Variants in GOLGB1 observed in about 807,000 individuals in gnomAD.
GOLGB1 encodes golgin subfamily B member 1.
GOLGB1 carries 174 observed loss-of-function variants against 336.9 expected under a neutral mutation model. That is an observed-to-expected ratio of 0.52 (90% confidence interval 0.46 to 0.59). The LOEUF (loss-of-function observed/expected upper bound fraction) is 0.59, where lower values mean the gene tolerates loss of function less well. Ranked by LOEUF, GOLGB1 falls within the 20% of genes least tolerant of loss-of-function variation. The pLI is 0.00. For synonymous variants in GOLGB1, 1,208 were observed against 1,289.2 expected (o/e 0.94, Z 1.35); for missense variants, 3,331 against 3,645.3 (o/e 0.91, Z 2.22).
chr3:121,674,028 C>T (rs1939971217), intron 17 of GOLGB1, among the ~76,000 whole-genome samples: 1 of 152,140 alleles, frequency 6.6e-6, no homozygotes, highest in Non-Finnish European at 1.5e-5. Context: ...ACTGGGATTG[C>T]TTTCTTGATT....
At chr3:121,736,858 C>T (rs1036154275) in intron 1 of GOLGB1, among the ~76,000 whole-genome samples, 4 of 152,072 alleles carry the variant, frequency 2.6e-5, no homozygotes, top group African/African-American at 7.2e-5. Flanking sequence ...GAGCTGAGAT[C>T]GCACCACTGC....
In GOLGB1 at chr3:121,697,398, A is replaced by G. The variant is rs1943039335; in HGVS notation, c.3125T>C (p.Val1042Ala). The G allele has an allele frequency of 6.2e-7, 1 of 1,613,170 alleles. No individual in the cohort carries two copies. The highest frequency in any genetic ancestry group is 8.5e-7 in the Non-Finnish European group (1 of 1,179,776). Residue 1042 changes from valine to alanine, a missense_variant, in exon 13 of 22, where the codon GTG (valine) becomes GCG (alanine). Physicochemically the swap from Val to Ala is moderately conservative, Grantham distance 64 (BLOSUM62 0). Coordinates refer to ENST00000614479, the MANE Select transcript of GOLGB1 (RefSeq NM_001366282.2). ...TTCTTTGTTTTCTTTATCTTCTTCC[A>G]CTTCTCCCCTCTCAGTCTCACTGAG... ...IPLSETERGE[V>A]EEDKENKEYS...
chr3:121,694,649 T>G lies in GOLGB1; in HGVS notation c.5874A>C (p.Leu1958=), dbSNP rs1451829147. ...TAAGGTTCTTCATTTCAGATTCCAATAGCTCATTTTTTATTTGGGCATCTG... is the reference window on the plus strand; with the variant it reads ...TAAGGTTCTTCATTTCAGATTCCAAGAGCTCATTTTTTATTTGGGCATCTG... ...DVTDAQIKNE[L]LESEMKNLKK... Residue 1958 remains leucine, a synonymous_variant, in exon 13 of 22, where the codon CTA becomes CTC. Coordinates refer to ENST00000614479, the MANE Select transcript of GOLGB1 (RefSeq NM_001366282.2). The G allele has an allele frequency of 1.9e-6, 3 of 1,611,202 alleles. No homozygotes were observed. The highest frequency in any genetic ancestry group is 1.1e-5 in the South Asian group (1 of 90,974).
At chr3:121,669,108 G>C (rs1353046005) in intron 18 of GOLGB1, 104 bp downstream of exon 18, 4 of 1,099,796 alleles carry the variant, frequency 3.6e-6, no homozygotes, top group Non-Finnish European at 5.2e-6. Context: ...TTTCTTCCCT[G>C]ACCCCTAATT....
In GOLGB1 at chr3:121,672,579, T is replaced by C. The variant is rs1211470930; in HGVS notation, c.9178-3224A>G. On this transcript the variant is annotated intron_variant, in intron 17 of 21. Coordinates refer to ENST00000614479, the MANE Select transcript of GOLGB1 (RefSeq NM_001366282.2). ...CAAATGTTTTCTCTCATTCTGTGGA[T>C]TGTCTCTTCACTCTGTTGATTGCTT... 2.0e-5 allele frequency among the ~76,000 whole-genome samples: 3 copies of C among 152,244 alleles called. No homozygotes were observed. In the East Asian group the frequency reaches 5.8e-4, roughly 29 times the overall value.
intron 14 of GOLGB1, among the ~76,000 whole-genome samples, chr3:121,686,838 A>C (rs922278752): frequency 1.3e-5 from 2 of 152,218 alleles, no homozygotes; most frequent in African/African-American, 4.8e-5. Flanking sequence ...AGCAATTGGG[A>C]GAACATTTTG....
Position 121,719,711 on chromosome 3 carries a change from G to A in GOLGB1, c.706C>T (p.Arg236Cys), listed in dbSNP as rs753828659. The A allele has an allele frequency of 1.9e-5, 30 of 1,610,348 alleles. No individual in the cohort carries two copies. The highest frequency in any genetic ancestry group is 4.4e-5 in the South Asian group (4 of 90,720). Residue 236 changes from arginine to cysteine, a missense_variant, in exon 7 of 22, where the codon CGT (arginine) becomes TGT (cysteine). Transcript: ENST00000614479. The stretch of plus-strand genomic sequence containing the variant: ...TGAAGAAGCTCATCTTCATGAAGAC[G>A]AACTTGTGTTTCAAAGCGGGCATCT... ...EKDARFETQV[R>C]LHEDELLQLV...
rs1305764559 is a variant in GOLGB1 at position 121,663,556 on chromosome 3, A to T, written c.*924T>A. On this transcript the variant is annotated 3_prime_UTR_variant, in exon 22 of 22. Coordinates refer to ENST00000614479, the MANE Select transcript of GOLGB1 (RefSeq NM_001366282.2). ...AACTGTAATAACTGTCACTAACAGC[A>T]AAGTAGCTTAGTACTTCAAGAGGTC... 6.6e-6 allele frequency: 1 copy of T among 152,224 alleles called. No homozygotes were observed. The highest frequency in any genetic ancestry group is 1.5e-5 in the Non-Finnish European group (1 of 68,032). 9.4% of individuals were successfully genotyped at this position (152,224 alleles called of 1,614,324 possible). A position where few individuals can be genotyped will look rare whatever the true frequency, so the allele number is the denominator to read the frequency against.
At chr3:121,736,754 A>C (rs1257926228) in intron 1 of GOLGB1, among the ~76,000 whole-genome samples, 1 of 152,034 alleles carries the variant, frequency 6.6e-6, no homozygotes, top group East Asian at 1.9e-4. Flanking sequence ...AAATACAAAA[A>C]TTAGCCGGGT....
rs1334355938 is a variant in GOLGB1 at position 121,667,616 on chromosome 3, G to A, written c.9420-6C>T. On this transcript the variant is annotated splice_region_variant and splice_polypyrimidine_tract_variant and intron_variant, in intron 19 of 21. Transcript: ENST00000614479. The stretch of plus-strand genomic sequence containing the variant: ...GCTGCTGAGCTTCAGAAAAGCTTTA[G>A]GATGAGAGGAAAACAAAAAGCATCA... 19 of 1,612,628 alleles carry A rather than the reference G, an allele frequency of 1.2e-5. No individual in the cohort carries two copies. Among genetic ancestry groups the A allele is most frequent in the Non-Finnish European group, 1.6e-5 (19 of 1,179,258 alleles).
chr3:121,707,432 C>G (rs1943975914), intron 10 of GOLGB1, among the ~76,000 whole-genome samples: 1 of 150,792 alleles, frequency 6.6e-6, no homozygotes, highest in African/African-American at 2.4e-5. Context: ...AACCAGCCAG[C>G]CTAGGTAACT....
chr3:121,748,313 A>G (rs1364087267), intron 1 of GOLGB1, among the ~76,000 whole-genome samples: 1 of 152,230 alleles, frequency 6.6e-6, no homozygotes, highest in African/African-American at 2.4e-5. Context: ...ACATATTTAC[A>G]GTGGTAGTCA....
chr3:121,722,260 A>G lies in GOLGB1; in HGVS notation c.648+2T>C, dbSNP rs1281309388. On this transcript the variant is annotated splice_donor_variant, in intron 6 of 21. Transcript: ENST00000614479. LOFTEE classifies it high-confidence loss of function. ...TTTATCCTAATTTTGTGAGGTCCCT[A>G]CCTGTGCAGCTTGCTCTGCCTGTGT... The G allele has an allele frequency of 2.6e-6, 4 of 1,551,200 alleles. No individual in the cohort carries two copies. The Admixed American group carries it at 6.7e-5, about 26-fold the overall frequency.
At chr3:121,666,983 C>A (rs1938716166) in intron 20 of GOLGB1, among the ~76,000 whole-genome samples, 1 of 152,172 alleles carries the variant, frequency 6.6e-6, no homozygotes, top group Non-Finnish European at 1.5e-5. Flanking sequence ...AGGAGGTCTA[C>A]CTTGGCCCAA....
At chr3:121,705,574 T>C (rs1246207542) in intron 10 of GOLGB1, among the ~76,000 whole-genome samples, 1 of 152,164 alleles carries the variant, frequency 6.6e-6, no homozygotes, top group Non-Finnish European at 1.5e-5. Context: ...GTAGACTCCC[T>C]AAGTTCATGA....
chr3:121,730,167 T>C, intron 2 of GOLGB1, 150 bp from the exon 3 acceptor site: 2 of 577,526 alleles, frequency 3.5e-6, no homozygotes, highest in South Asian at 2.4e-5. Flanking sequence ...ATCATTATCA[T>C]AGCCATTACA....
chr3:121,676,944 G>A lies in GOLGB1; in HGVS notation c.9126C>T (p.Ser3042=). 6.2e-7 allele frequency: 1 copy of A among 1,613,560 alleles called. No individual in the cohort carries two copies. The highest frequency in any genetic ancestry group is 8.5e-7 in the Non-Finnish European group (1 of 1,179,518). The change falls in exon 17 of 22, where the codon AGC becomes AGT. Residue 3042 remains serine, a synonymous_variant. Transcript: ENST00000614479. ...ACTCCTTTTGGTGAATTTCCTTTAA[G>A]CTGTCATTGAGCTGGGTCCTGAGAA... ...TELLRTQLND[S]LKEIHQKELR... is the part of the protein sequence containing the mutation.
intron 8 of GOLGB1, 63 bp downstream of exon 8, chr3:121,718,325 C>T (rs111653953): frequency 1.3e-5 from 13 of 1,023,710 alleles, no homozygotes; most frequent in African/African-American, 4.8e-5. Context: ...TATCTACTGC[C>T]TGGCAAACGA....
chr3:121,726,922 T>A lies in GOLGB1; in HGVS notation c.522A>T (p.Gln174His), dbSNP rs554018082. Residue 174 changes from glutamine (Q) to histidine (H), a missense_variant, in exon 5 of 22, where the codon CAA (glutamine) becomes CAT (histidine). Coordinates refer to ENST00000614479, the MANE Select transcript of GOLGB1 (RefSeq NM_001366282.2). ...QAQLTQAQAE[Q>H]PAQSSTEMEE... is the part of the protein sequence containing the mutation. ...TAACTTCCACCCCTACCTGTGCAGGTTGTTCTGCCTGTGCCTGAGTAAGCT... is the reference window on the plus strand; with the variant it reads ...TAACTTCCACCCCTACCTGTGCAGGATGTTCTGCCTGTGCCTGAGTAAGCT... 4.8e-5 allele frequency: 77 copies of A among 1,597,534 alleles called. 1 individual carries two copies. The South Asian group carries it at 8.6e-4, about 18-fold the overall frequency.
Sources: gnomAD v4.1 joint callset for allele counts (sites outside exome capture counted in the v4.1 genomes callset) on GRCh38, gnomAD v4.1.1 for gene constraint, MANE v1.5 for transcripts, NCBI Gene and HGNC (gene_info 2026-07-23, HGNC 2026-07-21) for gene names.